Variants in DYSF observed in about 807,000 individuals in gnomAD.
The protein encoded by DYSF is dystrophy-associated fer-1-like 1.
A neutral mutation model predicts 274.9 loss-of-function variants in DYSF; 212 were observed. The observed-to-expected ratio is 0.77, with a 90% CI of 0.69 to 0.86. The LOEUF (loss-of-function observed/expected upper bound fraction) is 0.86, where lower values mean the gene tolerates loss of function less well. Among genes scored for constraint, DYSF ranks in the 40% least tolerant of loss-of-function variants. DYSF has a pLI of 0.00. For missense variants in DYSF, 2,666 were observed against 2,783.2 expected (o/e 0.96, Z 0.95); for synonymous variants, 1,091 against 1,078.7 (o/e 1.01, Z -0.22).
Position 71,601,492 on chromosome 2 carries a change from A to T in DYSF, c.3898-7A>T. The T allele has an allele frequency of 7.4e-6, 12 of 1,613,416 alleles. No homozygotes were observed. Among genetic ancestry groups the T allele is most frequent in the Non-Finnish European group, 1.0e-5 (12 of 1,179,866 alleles). On this transcript the variant is annotated splice_region_variant and splice_polypyrimidine_tract_variant and intron_variant, in intron 34 of 55. Coordinates refer to ENST00000410020, the MANE Select transcript of DYSF (RefSeq NM_001130987.2). ...ACATGACCAGAGCTCTCTTTTCTTCACTCCAGCCGGCCATCCACCATATTC... is the reference window on the plus strand; with the variant it reads ...ACATGACCAGAGCTCTCTTTTCTTCTCTCCAGCCGGCCATCCACCATATTC...
At chr2:71,485,556 T>C (rs560654921) in intron 3 of DYSF, among the ~76,000 whole-genome samples, 29 of 152,182 alleles carry the variant, frequency 1.9e-4, no homozygotes, top group Non-Finnish European at 4.0e-4. Context: ...CCTCCTCAGC[T>C]GTTTTCAGGC....
intron 14 of DYSF, among the ~76,000 whole-genome samples, chr2:71,533,837 C>T (rs2089010227): frequency 6.6e-6 from 1 of 152,128 alleles, no homozygotes; most frequent in African/African-American, 2.4e-5. Context: ...TGTTGGTTTT[C>T]TTTGTGTTTC....
At chr2:71,517,323 A>G (rs1052052939) in intron 10 of DYSF, among the ~76,000 whole-genome samples, 5 of 152,236 alleles carry the variant, frequency 3.3e-5, no homozygotes, top group African/African-American at 1.2e-4. Flanking sequence ...CTGCAAAGAC[A>G]GAAAGAAATC....
At chr2:71,680,967 C>T (rs753813964) in intron 53 of DYSF, 34 bp from the exon 54 acceptor site, 45 of 1,596,854 alleles carry the variant, frequency 2.8e-5, no homozygotes, top group South Asian at 2.3e-4. Context: ...GCAGAGCCTT[C>T]GTGCCCCTAA....
intron 17 of DYSF, among the ~76,000 whole-genome samples, chr2:71,541,442 A>C (rs1328223512): frequency 6.6e-6 from 1 of 152,124 alleles, no homozygotes; most frequent in Non-Finnish European, 1.5e-5. Context: ...GCAAATTTTT[A>C]TAATTTGAAT....
intron 30 of DYSF, among the ~76,000 whole-genome samples, chr2:71,575,164 A>T (rs555913284): frequency 6.6e-6 from 1 of 152,158 alleles, no homozygotes; most frequent in African/African-American, 2.4e-5. Context: ...TATCTGTAGG[A>T]CAGCCTGGCT....
At chr2:71,550,702 G>A (rs1175174725) in intron 17 of DYSF, among the ~76,000 whole-genome samples, 1 of 152,200 alleles carries the variant, frequency 6.6e-6, no homozygotes, top group East Asian at 1.9e-4. Flanking sequence ...TTTGTGTGCT[G>A]GCTGAGTGCA....
intron 2 of DYSF, 102 bp downstream of exon 2, chr2:71,481,040 C>T (rs1314246228): frequency 1.7e-6 from 2 of 1,187,452 alleles, no homozygotes; most frequent in Admixed American, 3.7e-5. Context: ...CAGCAGTGTC[C>T]TTGAGGTGGG....
At position 71,669,498 on chromosome 2, in the gene DYSF, C is replaced by T. The variant is rs983791728; in HGVS notation, c.5643-107C>T. ...GCCGATTTCCTGGGAATTCTTTTTGCGATAAGCTCATTTACCTTCTTAACT... is the reference window on the plus strand; with the variant it reads ...GCCGATTTCCTGGGAATTCTTTTTGTGATAAGCTCATTTACCTTCTTAACT... On this transcript the variant is annotated intron_variant, in intron 50 of 55. Transcript: ENST00000410020. 1.3e-5 allele frequency: 18 copies of T among 1,392,636 alleles called. No homozygotes were observed. In the Admixed American group the frequency reaches 1.4e-4, roughly 11 times the overall value. 86.3% of individuals were successfully genotyped at this position (1,392,636 alleles called of 1,614,324 possible).
At chr2:71,523,543 C>CTTT (rs10718722) in intron 12 of DYSF, among the ~76,000 whole-genome samples, 6 of 96,368 alleles carry the variant, frequency 6.2e-5, no homozygotes, top group South Asian at 3.2e-4. Context: ...CACCAGTCAT[C>CTTT]TTTTTTTTTT....
chr2:71,593,278 A>G (rs527854444), intron 32 of DYSF, among the ~76,000 whole-genome samples: 26 of 151,918 alleles, frequency 1.7e-4, no homozygotes, highest in African/African-American at 5.3e-4. Flanking sequence ...GATTACAGGC[A>G]CCCACCACCA....
intron 14 of DYSF, among the ~76,000 whole-genome samples, chr2:71,529,382 C>T (rs1452414307): frequency 6.6e-6 from 1 of 152,200 alleles, no homozygotes; most frequent in African/African-American, 2.4e-5. Flanking sequence ...GCCATTTGTC[C>T]AAGTACTGGA....
At chr2:71,474,045 G>A (rs2082227861) in intron 1 of DYSF, among the ~76,000 whole-genome samples, 1 of 149,172 alleles carries the variant, frequency 6.7e-6, no homozygotes, top group Non-Finnish European at 1.5e-5. Context: ...TCTTCCCTCA[G>A]CCTCCCGAGT....
At chr2:71,550,083 T>C (rs2090820383) in intron 17 of DYSF, among the ~76,000 whole-genome samples, 1 of 152,272 alleles carries the variant, frequency 6.6e-6, no homozygotes, top group South Asian at 2.1e-4. Flanking sequence ...TGAGGCCATT[T>C]GTTTTGTGCC....
At chr2:71,503,350 G>A (rs1219341868) in intron 4 of DYSF, 31 bp downstream of exon 4, 2 of 1,610,698 alleles carry the variant, frequency 1.2e-6, no homozygotes, top group East Asian at 2.2e-5. Flanking sequence ...GCCAGGTTAA[G>A]GTCCAAGGCA....
At chr2:71,596,343 G>T (rs534874908) in intron 32 of DYSF, among the ~76,000 whole-genome samples, 1 of 152,298 alleles carries the variant, frequency 6.6e-6, no homozygotes, top group South Asian at 2.1e-4. Flanking sequence ...TGATCTTTGT[G>T]TAAACGCGGT....
At chr2:71,650,168 G>A (rs2094631229) in intron 42 of DYSF, among the ~76,000 whole-genome samples, 1 of 152,174 alleles carries the variant, frequency 6.6e-6, no homozygotes, top group African/African-American at 2.4e-5. Context: ...CTCAGTTCAT[G>A]TCAGATCAAG....
At chr2:71,508,339 A>G (rs2085715181) in intron 4 of DYSF, among the ~76,000 whole-genome samples, 1 of 152,160 alleles carries the variant, frequency 6.6e-6, no homozygotes, top group Admixed American at 6.5e-5. Context: ...ACATGGACAC[A>G]GCACTCTCGT....
chr2:71,595,791 G>A (rs1164181332), intron 32 of DYSF, among the ~76,000 whole-genome samples: 1 of 152,210 alleles, frequency 6.6e-6, no homozygotes, highest in Non-Finnish European at 1.5e-5. Context: ...CACGATGTGC[G>A]CTGCATATGG....
Sources: allele counts gnomAD v4.1 joint callset (sites outside exome capture counted in the v4.1 genomes callset), GRCh38; gene constraint gnomAD v4.1.1; transcripts MANE v1.5; gene names NCBI Gene and HGNC (gene_info 2026-07-23, HGNC 2026-07-21).